Variants in TOX observed in about 807,000 individuals in gnomAD.
The protein encoded by TOX is thymocyte selection associated high mobility group box.
A neutral mutation model predicts 53.7 loss-of-function variants in TOX; 11 were observed. That is an observed-to-expected ratio of 0.20 (90% confidence interval 0.13 to 0.34). TOX has a LOEUF of 0.34. Ranked by LOEUF, TOX falls within the 10% of genes least tolerant of loss-of-function variation. The pLI is 1.00. For synonymous variants in TOX, 225 were observed against 245.3 expected (o/e 0.92, Z 0.77); for missense variants, 570 against 664.6 (o/e 0.86, Z 1.56).
chr8:58,949,771 T>C (rs1812588236), intron 2 of TOX, among the ~76,000 whole-genome samples: 1 of 151,814 alleles, frequency 6.6e-6, no homozygotes, highest in African/African-American at 2.4e-5. Flanking sequence ...TGCTAAGCCA[T>C]ATGCAGGCAA....
chr8:59,104,127 C>G (rs1379571759), intron 1 of TOX, among the ~76,000 whole-genome samples: 1 of 152,220 alleles, frequency 6.6e-6, no homozygotes, highest in Non-Finnish European at 1.5e-5. Context: ...GGGAAGTCCT[C>G]TCTGGCACAT....
At chr8:59,091,659 G>A (rs534390364) in intron 1 of TOX, among the ~76,000 whole-genome samples, 59 of 152,232 alleles carry the variant, frequency 3.9e-4, no homozygotes, top group African/African-American at 1.4e-3. Context: ...AGAGCCCTCA[G>A]TGCAGGGCTT....
At chr8:59,047,378 A>G (rs1435807949) in intron 1 of TOX, among the ~76,000 whole-genome samples, 2 of 150,770 alleles carry the variant, frequency 1.3e-5, no homozygotes, top group Non-Finnish European at 3.0e-5. Context: ...CACCACGCCC[A>G]GCTAATTTTT....
At chr8:58,993,292 T>G (rs1028662558) in intron 1 of TOX, among the ~76,000 whole-genome samples, 2 of 152,186 alleles carry the variant, frequency 1.3e-5, no homozygotes, top group Non-Finnish European at 2.9e-5. Context: ...AAGGTTAGAT[T>G]TTATTTGGAA....
intron 3 of TOX, among the ~76,000 whole-genome samples, chr8:58,874,356 T>TCC (rs1811250563): frequency 6.6e-6 from 1 of 151,914 alleles, no homozygotes; most frequent in African/African-American, 2.4e-5. Context: ...TGAGAGATGT[T>TCC]TTGAGTGTGT....
At chr8:58,847,629 T>G (rs1336503337) in intron 4 of TOX, among the ~76,000 whole-genome samples, 1 of 151,856 alleles carries the variant, frequency 6.6e-6, no homozygotes, top group Non-Finnish European at 1.5e-5. Context: ...AAATAAGGAA[T>G]GAAAATTTCC....
In TOX at chr8:58,815,456, G is replaced by A. The variant is rs201330163; in HGVS notation, c.1274C>T (p.Pro425Leu). The part of the protein sequence containing the change: ...VSPPPPLQIS[P>L]PLHQHLNMQQ... ...CATGTTGAGATGCTGGTGAAGAGGC[G>A]GGCTGATCTGGAGGGGAGGAGGAGG... The change falls in exon 7 of 9, where the codon CCG becomes CTG. Residue 425 changes from proline to leucine, a missense_variant. Pro to Leu is a moderately conservative substitution (Grantham distance 98, BLOSUM62 -3). Around this residue, in one of 3 missense-constraint regions of TOX, gnomAD observed 239 missense variants for 250.7 expected, o/e 0.95. Coordinates refer to ENST00000361421, the MANE Select transcript of TOX (RefSeq NM_014729.3). 44 of 1,614,094 alleles carry A rather than the reference G, an allele frequency of 2.7e-5. No homozygotes were observed. Among genetic ancestry groups the A allele is most frequent in the East Asian group, 2.2e-4 (10 of 44,850 alleles).
At chr8:59,025,803 A>T (rs1814224866) in intron 1 of TOX, among the ~76,000 whole-genome samples, 1 of 152,104 alleles carries the variant, frequency 6.6e-6, no homozygotes, top group Admixed American at 6.6e-5. Flanking sequence ...TGCACTTCTC[A>T]TACTGAAGCA....
At chr8:58,938,115 A>T (rs1021074473) in intron 3 of TOX, among the ~76,000 whole-genome samples, 1 of 152,128 alleles carries the variant, frequency 6.6e-6, no homozygotes, top group South Asian at 2.1e-4. Flanking sequence ...GGAAAATTCT[A>T]TACACCATTG....
At chr8:58,899,019 C>A (rs538954610) in intron 3 of TOX, among the ~76,000 whole-genome samples, 2 of 152,170 alleles carry the variant, frequency 1.3e-5, no homozygotes, top group South Asian at 2.1e-4. Flanking sequence ...TGCAGCCCTG[C>A]CCTGGTCTCA....
At position 58,920,721 on chromosome 8, in the gene TOX, TAA is replaced by T. The variant is rs5891703; in HGVS notation, c.411+18579_411+18580del. On this transcript the variant is annotated intron_variant, in intron 3 of 8. Coordinates refer to ENST00000361421, the MANE Select transcript of TOX (RefSeq NM_014729.3). ...TTAAAGTATAATAAAAAAAAAACAT[TAA>T]AAAAAAAAAAAAAGAAAAAAAAGAA... Among the ~76,000 whole-genome samples the T allele has an allele frequency of 9.1e-3, 741 of 81,050 alleles. 8 individuals are homozygous for T. Among genetic ancestry groups the T allele is most frequent in the African/African-American group, 0.036 (701 of 19,746 alleles). 53.2% of individuals were successfully genotyped at this position (81,050 alleles called of 152,430 possible).
At chr8:58,852,926 T>C (rs975735350) in intron 3 of TOX, among the ~76,000 whole-genome samples, 10 of 152,242 alleles carry the variant, frequency 6.6e-5, no homozygotes, top group African/African-American at 2.2e-4. Flanking sequence ...GCAAATGTTA[T>C]TGTGACGTGA....
intron 1 of TOX, among the ~76,000 whole-genome samples, chr8:59,054,604 A>C (rs2129421497): frequency 6.6e-6 from 1 of 152,334 alleles, no homozygotes; most frequent in African/African-American, 2.4e-5. Flanking sequence ...TTCCAGGAAC[A>C]ACAATTAAAA....
chr8:58,842,230 G>T (rs937934090), intron 4 of TOX, among the ~76,000 whole-genome samples: 4 of 152,128 alleles, frequency 2.6e-5, no homozygotes, highest in African/African-American at 7.2e-5. Flanking sequence ...CAGCAGACTG[G>T]GGTGAGTCAG....
chr8:58,942,405 AC>A (rs1270097266), intron 2 of TOX, among the ~76,000 whole-genome samples: 4 of 152,200 alleles, frequency 2.6e-5, no homozygotes, highest in Non-Finnish European at 5.9e-5. Flanking sequence ...CCACAACTTA[AC>A]TGGTAATAGC....
At chr8:58,858,925 G>C (rs1038222271) in intron 3 of TOX, among the ~76,000 whole-genome samples, 1 of 152,144 alleles carries the variant, frequency 6.6e-6, no homozygotes, top group African/African-American at 2.4e-5. Flanking sequence ...TGTAAATGTT[G>C]ATATTATTTA....
At chr8:58,856,140 T>G (rs1414505261) in intron 3 of TOX, among the ~76,000 whole-genome samples, 5 of 152,224 alleles carry the variant, frequency 3.3e-5, no homozygotes, top group African/African-American at 7.2e-5. Flanking sequence ...GATTCCATGC[T>G]GCCTTTACCA....
At chr8:59,041,003 C>T (rs950915410) in intron 1 of TOX, among the ~76,000 whole-genome samples, 3 of 151,846 alleles carry the variant, frequency 2.0e-5, no homozygotes, top group Non-Finnish European at 2.9e-5. Flanking sequence ...TGTCACAATC[C>T]TGTGCTCCCA....
intron 1 of TOX, among the ~76,000 whole-genome samples, chr8:59,053,742 C>T (rs1030654799): frequency 1.3e-4 from 20 of 151,984 alleles, no homozygotes; most frequent in Admixed American, 1.2e-3. Context: ...CTATCATTGG[C>T]CTTGAGATAC....
Sources: gnomAD v4.1 joint callset for allele counts (sites outside exome capture counted in the v4.1 genomes callset) on GRCh38, gnomAD v4.1.1 for gene constraint, gnomAD v4.1.1 regional missense constraint, MANE v1.5 for transcripts, NCBI Gene and HGNC (gene_info 2026-07-23, HGNC 2026-07-21) for gene names.